The following PIK3C2G variants were observed in gnomAD, a reference collection of about 807,000 sequenced individuals.
PIK3C2G encodes the protein phosphatidylinositol-4-phosphate 3-kinase catalytic subunit type 2 gamma.
PIK3C2G carries 168 observed loss-of-function variants against 181.1 expected under a neutral mutation model. That is an observed-to-expected ratio of 0.93 (90% CI 0.82 to 1.05). The LOEUF is 1.05. Ranked by LOEUF, PIK3C2G falls within the 50% of genes least tolerant of loss-of-function variation. The pLI, the probability that PIK3C2G is intolerant of heterozygous loss-of-function variation, is 0.00. For synonymous variants in PIK3C2G, 573 were observed against 592.2 expected, an observed-to-expected ratio of 0.97 and a Z score of 0.47; for missense variants, 1,869 against 1,732.8, an observed-to-expected ratio of 1.08 and a Z score of -1.40.
the PIK3C2G span, among the ~76,000 whole-genome samples, chr12:18,722,098 C>T: frequency 6.6e-6 from 1 of 152,008 alleles, no homozygotes; most frequent in Non-Finnish European, 1.5e-5. Flanking sequence ...CCCATTTTGT[C>T]ATATAACTTG....
intron 31 of PIK3C2G, among the ~76,000 whole-genome samples, chr12:18,624,637 G>C (rs982184868): frequency 2.0e-5 from 3 of 151,524 alleles, no homozygotes; most frequent in African/African-American, 7.3e-5. Flanking sequence ...TTAAATATTT[G>C]ATAGAATACA....
the PIK3C2G span, among the ~76,000 whole-genome samples, chr12:18,669,459 T>A: frequency 5.3e-5 from 8 of 152,196 alleles, no homozygotes; most frequent in African/African-American, 1.9e-4. Context: ...AAAGATACTG[T>A]CTTAATGTGA....
the PIK3C2G span, among the ~76,000 whole-genome samples, chr12:18,710,329 G>T: frequency 6.6e-6 from 1 of 151,540 alleles, no homozygotes; most frequent in Non-Finnish European, 1.5e-5. Flanking sequence ...TTTGGGAAGA[G>T]TATTTCATAT....
chr12:18,671,585 G>GT, the PIK3C2G span, among the ~76,000 whole-genome samples: 1 of 152,124 alleles, frequency 6.6e-6, no homozygotes, highest in Non-Finnish European at 1.5e-5. Context: ...GATTTCTCAG[G>GT]TGTACTAGGC....
At chr12:18,295,754 A>T (rs766344679) in intron 5 of PIK3C2G, among the ~76,000 whole-genome samples, 1 of 149,692 alleles carries the variant, frequency 6.7e-6, no homozygotes, top group East Asian at 1.9e-4. Flanking sequence ...TATGTCAAGG[A>T]TTTGCATATT....
intron 5 of PIK3C2G, among the ~76,000 whole-genome samples, chr12:18,303,744 T>C (rs1950306639): frequency 6.6e-6 from 1 of 152,238 alleles, no homozygotes; most frequent in African/African-American, 2.4e-5. Flanking sequence ...TAAAAGCTTT[T>C]GCTGAATAAT....
At chr12:18,526,058 A>T (rs1943214566) in intron 24 of PIK3C2G, among the ~76,000 whole-genome samples, 1 of 152,172 alleles carries the variant, frequency 6.6e-6, no homozygotes, top group Non-Finnish European at 1.5e-5. Flanking sequence ...ATTACCACTG[A>T]TTTTTTTAAA....
chr12:18,645,761 GA>G (rs142187610), intron 32 of PIK3C2G, among the ~76,000 whole-genome samples: 13 of 152,146 alleles, frequency 8.5e-5, no homozygotes, highest in Non-Finnish European at 1.8e-4. Context: ...ATACAAATGA[GA>G]AAACACACAG....
chr12:18,428,592 C>T (rs985723658), intron 18 of PIK3C2G, among the ~76,000 whole-genome samples: 9 of 152,164 alleles, frequency 5.9e-5, no homozygotes, highest in Non-Finnish European at 1.3e-4. Flanking sequence ...CAGAAAGTTG[C>T]CTCACCAGAT....
chr12:18,333,318 G>T (rs573825256), intron 8 of PIK3C2G, among the ~76,000 whole-genome samples: 2 of 152,072 alleles, frequency 1.3e-5, no homozygotes, highest in East Asian at 3.9e-4. Flanking sequence ...TTTAAGTTCT[G>T]GGATACATGT....
At chr12:18,262,517 T>C (rs1948290358) in intron 1 of PIK3C2G, among the ~76,000 whole-genome samples, 1 of 151,774 alleles carries the variant, frequency 6.6e-6, no homozygotes, top group African/African-American at 2.4e-5. Context: ...TCTCCACGCA[T>C]GTCTATCTGC....
At position 18,403,076 on chromosome 12, in the gene PIK3C2G, G is replaced by A. The variant is rs536932676; in HGVS notation, c.2315+3229G>A. 3.9e-4 allele frequency among the ~76,000 whole-genome samples: 60 copies of A among 152,086 alleles called. 1 individual carries two copies. In the South Asian group the frequency reaches 4.4e-3, roughly 11 times the overall value. On this transcript the variant is annotated intron_variant, in intron 16 of 32. Coordinates refer to ENST00000538779, the MANE Select transcript of PIK3C2G (RefSeq NM_001288772.2). ...AAAGCCTTCCTGCATAAACATGCTA[G>A]GCTATTTACATATGAAATATCTTGG...
chr12:18,566,156 G>T (rs1324966497), intron 28 of PIK3C2G, among the ~76,000 whole-genome samples: 2 of 152,132 alleles, frequency 1.3e-5, no homozygotes, highest in Admixed American at 6.5e-5. Flanking sequence ...CAGTGGGGTG[G>T]CATGAAATTA....
chr12:18,686,703 T>A, the PIK3C2G span, among the ~76,000 whole-genome samples: 1 of 152,068 alleles, frequency 6.6e-6, no homozygotes, highest in Non-Finnish European at 1.5e-5. Context: ...CTCTAAATCA[T>A]AATTATTTTA....
At chr12:18,422,305 G>A (rs1945531976) in intron 17 of PIK3C2G, among the ~76,000 whole-genome samples, 1 of 145,504 alleles carries the variant, frequency 6.9e-6, no homozygotes, top group South Asian at 2.1e-4. Context: ...AATAGATAAT[G>A]TGACTAGAAA....
intron 8 of PIK3C2G, among the ~76,000 whole-genome samples, chr12:18,334,262 C>T (rs1280056354): frequency 7.2e-5 from 11 of 152,068 alleles, no homozygotes; most frequent in Admixed American, 2.6e-4. Flanking sequence ...AACAGGCAGC[C>T]TACGCAGTTT....
At position 18,290,926 on chromosome 12, in the gene PIK3C2G, T is replaced by G. The variant is rs1187167697; in HGVS notation, c.833T>G (p.Phe278Cys). 5 of 1,586,246 alleles carry G rather than the reference T, an allele frequency of 3.2e-6. No homozygotes were observed. In the South Asian group the frequency reaches 5.5e-5, roughly 18 times the overall value. ...AAGATCTGGAGCACTACTACAGCAT[T>G]TCCGTATCAGCTCTTTTCTAAGACC... The part of the protein sequence containing the change: ...SGKIWSTTTA[F>C]PYQLFSKTKF... Residue 278 changes from phenylalanine to cysteine, a missense_variant, in exon 4 of 33, where the codon TTT becomes TGT. By Grantham distance (205) the Phe-to-Cys change is radical (BLOSUM62 -2). Coordinates refer to ENST00000538779, the MANE Select transcript of PIK3C2G (RefSeq NM_001288772.2).
At chr12:18,391,060 T>A in intron 14 of PIK3C2G, 62 bp from the exon 15 acceptor site, 1 of 1,237,262 alleles carries the variant, frequency 8.1e-7, no homozygotes, top group Non-Finnish European at 1.1e-6. Flanking sequence ...GATAGGAATA[T>A]TAAATCAATA....
chr12:18,695,053 G>C, the PIK3C2G span: 1 of 1,613,122 alleles, frequency 6.2e-7, no homozygotes, highest in Non-Finnish European at 8.5e-7. Context: ...TCCATGGGCA[G>C]ACCAGGGGTC....
Sources: allele counts gnomAD v4.1 joint callset (sites outside exome capture counted in the v4.1 genomes callset), GRCh38; gene constraint gnomAD v4.1.1; transcripts MANE v1.5; gene names NCBI Gene and HGNC (gene_info 2026-07-23, HGNC 2026-07-21).